The following DEFB125 variants were observed in gnomAD, a reference collection of about 807,000 sequenced individuals.
The protein encoded by DEFB125 is beta-defensin 125.
Under a neutral mutation model 11.8 loss-of-function variants are expected in DEFB125, and 11 were observed. The observed-to-expected ratio is 0.94, with a 90% CI of 0.59 to 1.55. The LOEUF (loss-of-function observed/expected upper bound fraction) is 1.55, where lower values mean the gene tolerates loss of function less well. DEFB125 is among the 40% of genes most tolerant of loss of function. The pLI is 0.00. For synonymous variants in DEFB125, 79 were observed against 66.7 expected, an observed-to-expected ratio of 1.18 and a Z score of -0.90; for missense variants, 198 against 191.2, an observed-to-expected ratio of 1.04 and a Z score of -0.21.
intron 1 of DEFB125, among the ~76,000 whole-genome samples, chr20:90,970 C>A (rs1156665669): frequency 6.6e-6 from 1 of 152,112 alleles, no homozygotes; most frequent in African/African-American, 2.4e-5. Flanking sequence ...TTTCTGCAAA[C>A]CATTTGTCAC....
Position 96,751 on chromosome 20 carries a change from C to T in DEFB125, c.*334C>T, listed in dbSNP as rs1274735717. ...TATTTTTCCATGCCAAAAACAAAAACGAAGACCATTGTTTGGAGCTGCCTC... is the reference window on the plus strand; with the variant it reads ...TATTTTTCCATGCCAAAAACAAAAATGAAGACCATTGTTTGGAGCTGCCTC... On this transcript the variant is annotated 3_prime_UTR_variant, in exon 2 of 2. Coordinates refer to ENST00000382410, the MANE Select transcript of DEFB125 (RefSeq NM_153325.4). 5.2e-5 allele frequency: 12 copies of T among 231,174 alleles called. No homozygotes were observed. Among genetic ancestry groups the T allele is most frequent in the Middle Eastern group, 1.6e-3 (1 of 636 alleles). 14.3% of individuals were successfully genotyped at this position (231,174 alleles called of 1,614,324 possible). A position where few individuals can be genotyped will look rare whatever the true frequency, so the allele number is the denominator to read the frequency against.
rs987035499 is a variant in DEFB125, at chr20:96,966, T to C, written c.*549T>C. 1.3e-5 allele frequency: 2 copies of C among 153,432 alleles called. No homozygotes were observed. Among genetic ancestry groups the C allele is most frequent in the African/African-American group, 2.4e-5 (1 of 41,484 alleles). 9.5% of individuals were successfully genotyped at this position (153,432 alleles called of 1,614,324 possible). A position where few individuals can be genotyped will look rare whatever the true frequency, so the allele number is the denominator to read the frequency against. On this transcript the variant is annotated 3_prime_UTR_variant, in exon 2 of 2. Coordinates refer to ENST00000382410, the MANE Select transcript of DEFB125 (RefSeq NM_153325.4). ...GTCAAATTTTGTTTAAGGTTCTAGC[T>C]GGTAACTAACAGAGTCAGAAGCTAA...
rs6111385 is a variant in DEFB125, at chr20:96,321, T to C, written c.375T>C (p.Ser125=). ...TNTPETTMPP[S]EATTPETTMP... is the part of the protein sequence containing the mutation. ...CTCCTGAGACTACTATGCCACCATC[T>C]GAGGCCACTACTCCCGAGACTACTA... is the stretch of plus-strand genomic sequence containing the variant. The change falls in exon 2 of 2, where the codon TCT becomes TCC. Residue 125 remains serine (S), a synonymous_variant. Coordinates refer to ENST00000382410, the MANE Select transcript of DEFB125 (RefSeq NM_153325.4). 1,294,536 of 1,613,906 alleles carry C rather than the reference T, an allele frequency of 0.8. 520,485 individuals carry two copies. Among genetic ancestry groups the C allele is most frequent in the Middle Eastern group, 0.87 (5,291 of 6,062 alleles).
intron 1 of DEFB125, among the ~76,000 whole-genome samples, chr20:93,331 C>T (rs1450590097): frequency 6.6e-6 from 1 of 152,120 alleles, no homozygotes; most frequent in African/African-American, 2.4e-5. Context: ...TCAAAACAAA[C>T]CTGAAAGCTT....
intron 1 of DEFB125, among the ~76,000 whole-genome samples, chr20:91,634 A>G (rs1014596360): frequency 1.3e-5 from 2 of 152,212 alleles, no homozygotes; most frequent in Non-Finnish European, 2.9e-5. Flanking sequence ...CTGTGTGACT[A>G]TAGCCTAATT....
rs1161347320 is a variant in DEFB125 at position 96,353 on chromosome 20, C to G, written c.407C>G (p.Pro136Arg). The G allele has an allele frequency of 6.2e-7, 1 of 1,613,104 alleles. No individual in the cohort carries two copies. Among genetic ancestry groups the G allele is most frequent in the Admixed American group, 1.7e-5 (1 of 59,984 alleles). Residue 136 changes from proline to arginine, a missense_variant, in exon 2 of 2, where the codon CCA becomes CGA. Transcript: ENST00000382410. Reference sequence around the variant, plus strand: ...ACTACTCCCGAGACTACTATGCCACCATCTGAGACTGCTACTTCCGAGACT... The same window carrying G: ...ACTACTCCCGAGACTACTATGCCACGATCTGAGACTGCTACTTCCGAGACT... Reference protein sequence around the residue: ...EATTPETTMPPSETATSETMP... With the variant: ...EATTPETTMPRSETATSETMP...
rs2054518240 is a variant in DEFB125 at position 96,965 on chromosome 20, C to A, written c.*548C>A. On this transcript the variant is annotated 3_prime_UTR_variant, in exon 2 of 2. Coordinates refer to ENST00000382410, the MANE Select transcript of DEFB125 (RefSeq NM_153325.4). Reference sequence around the variant, plus strand: ...CGTCAAATTTTGTTTAAGGTTCTAGCTGGTAACTAACAGAGTCAGAAGCTA... The same window carrying A: ...CGTCAAATTTTGTTTAAGGTTCTAGATGGTAACTAACAGAGTCAGAAGCTA... 6.5e-6 allele frequency: 1 copy of A among 153,388 alleles called. No individual in the cohort carries two copies. The highest frequency in any genetic ancestry group is 2.4e-5 in the African/African-American group (1 of 41,448). 9.5% of individuals were successfully genotyped at this position (153,388 alleles called of 1,614,324 possible).
intron 1 of DEFB125, among the ~76,000 whole-genome samples, chr20:88,615 A>C (rs528416911): frequency 2.7e-4 from 41 of 152,274 alleles, no homozygotes; most frequent in African/African-American, 9.9e-4. Context: ...ATTTTTAAAA[A>C]ATGCAATTGC....
rs916364244 is a variant in DEFB125, at chr20:88,862, G to A, written c.58+1095G>A. Among the ~76,000 whole-genome samples the A allele has an allele frequency of 2.1e-4, 22 of 104,920 alleles. No individual in the cohort carries two copies. In the East Asian group the frequency reaches 3.4e-3, roughly 16 times the overall value. The allele number at this position is 104,920 out of a possible 152,430, so 68.8% of individuals were successfully genotyped here. ...TGTCTTTTCATTTATGACTGGACAC[G>A]TGGACACACACACACACACACACAC... On this transcript the variant is annotated intron_variant, in intron 1 of 1. Transcript: ENST00000382410.
intron 1 of DEFB125, among the ~76,000 whole-genome samples, chr20:88,716 A>G (rs761498823): frequency 4.6e-5 from 7 of 152,230 alleles, no homozygotes; most frequent in Non-Finnish European, 7.3e-5. Flanking sequence ...TTTTTAATCG[A>G]TAAGTAAAAC....
intron 1 of DEFB125, among the ~76,000 whole-genome samples, chr20:94,723 G>A (rs1240226821): frequency 2.0e-5 from 3 of 152,082 alleles, no homozygotes; most frequent in Non-Finnish European, 4.4e-5. Context: ...TCCTATCTAG[G>A]TGTAATTTTC....
chr20:96,720 T>A lies in DEFB125; in HGVS notation c.*303T>A. 1 of 296,808 alleles carries A rather than the reference T, an allele frequency of 3.4e-6. No individual in the cohort carries two copies. Among genetic ancestry groups the A allele is most frequent in the South Asian group, 8.0e-5 (1 of 12,504 alleles). The allele number at this position is 296,808 out of a possible 1,614,324, so 18.4% of individuals were successfully genotyped here. Reference sequence around the variant, plus strand: ...TTTGTCTTAAGTGAACATTTGTATATCTATGTATTTTTCCATGCCAAAAAC... The same window carrying A: ...TTTGTCTTAAGTGAACATTTGTATAACTATGTATTTTTCCATGCCAAAAAC... On this transcript the variant is annotated 3_prime_UTR_variant, in exon 2 of 2. Coordinates refer to ENST00000382410, the MANE Select transcript of DEFB125 (RefSeq NM_153325.4).
rs779821283 is a variant in DEFB125, at chr20:96,169, C to G, written c.223C>G (p.Leu75Val). ...ACGACCAGCATTTCCTGTGATTCACCTAGAGGATATAACATTGGATTATAG... is the reference window on the plus strand; with the variant it reads ...ACGACCAGCATTTCCTGTGATTCACGTAGAGGATATAACATTGGATTATAG... ...TRRPAFPVIH[L>V]EDITLDYSDV... Residue 75 changes from leucine to valine, a missense_variant, in exon 2 of 2, where the codon CTA becomes GTA. Transcript: ENST00000382410. 4 of 1,614,132 alleles carry G rather than the reference C, an allele frequency of 2.5e-6. No homozygotes were observed. The South Asian group carries it at 4.4e-5, about 18-fold the overall frequency.
At chr20:90,227 A>G (rs919980940) in intron 1 of DEFB125, among the ~76,000 whole-genome samples, 26 of 152,196 alleles carry the variant, frequency 1.7e-4, no homozygotes, top group Non-Finnish European at 3.2e-4. Flanking sequence ...TCCTAACAAC[A>G]TAATAGTTCC....
intron 1 of DEFB125, 40 bp downstream of exon 1, chr20:87,807 A>G: frequency 6.2e-7 from 1 of 1,606,218 alleles, no homozygotes; most frequent in South Asian, 1.1e-5. Flanking sequence ...GACTAGGATG[A>G]GTTGTTGCCC....
intron 1 of DEFB125, among the ~76,000 whole-genome samples, chr20:90,748 C>A (rs560200638): frequency 5.3e-5 from 8 of 152,316 alleles, no homozygotes; most frequent in Admixed American, 2.6e-4. Flanking sequence ...CCACTACAGC[C>A]ACACAAGCCC....
chr20:92,162 C>T (rs1201142990), intron 1 of DEFB125, among the ~76,000 whole-genome samples: 1 of 152,126 alleles, frequency 6.6e-6, no homozygotes, highest in Non-Finnish European at 1.5e-5. Flanking sequence ...ATATACCAGG[C>T]TTCCTCCTCC....
intron 1 of DEFB125, among the ~76,000 whole-genome samples, chr20:92,259 T>C (rs1225682363): frequency 2.6e-5 from 4 of 152,044 alleles, no homozygotes; most frequent in African/African-American, 4.8e-5. Context: ...AAGATGATCA[T>C]GCCGTTTACT....
chr20:96,016 C>G lies in DEFB125; in HGVS notation c.70C>G (p.Pro24Ala). 6.2e-7 allele frequency: 1 copy of G among 1,600,030 alleles called. No homozygotes were observed. Among genetic ancestry groups the G allele is most frequent in the Non-Finnish European group, 8.5e-7 (1 of 1,169,722 alleles). Residue 24 changes from proline to alanine, a missense_variant, in exon 2 of 2, where the codon CCC (proline) becomes GCC (alanine). Transcript: ENST00000382410. ...TTTATTCTCTACAGGTAGCTTTGAA[C>G]CCCAAAAATGTTGGAAGAATAATGT... is the stretch of plus-strand genomic sequence containing the variant. ...LTRVTKGSFE[P>A]QKCWKNNVGH... is the part of the protein sequence containing the mutation.
Sources: gnomAD v4.1 joint callset for allele counts (sites outside exome capture counted in the v4.1 genomes callset) on GRCh38, gnomAD v4.1.1 for gene constraint, MANE v1.5 for transcripts, NCBI Gene and HGNC (gene_info 2026-07-23, HGNC 2026-07-21) for gene names.